Variants in CELF2 observed in about 807,000 individuals in gnomAD.
The protein encoded by CELF2 is CUG triplet repeat RNA-binding protein 2.
A neutral mutation model predicts 62.6 loss-of-function variants in CELF2; 8 were observed. The ratio of observed to expected loss-of-function variants is 0.13; its 90% CI spans 0.07 to 0.23. CELF2 has a LOEUF of 0.23. Ranked by LOEUF, CELF2 falls within the 10% of genes least tolerant of loss-of-function variation. The pLI, the probability that CELF2 is intolerant of heterozygous loss-of-function variation, is 1.00. For synonymous variants in CELF2, 258 were observed against 250.0 expected, an observed-to-expected ratio of 1.03 and a Z score of -0.30; for missense variants, 333 against 671.0, an observed-to-expected ratio of 0.50 and a Z score of 5.56.
At chr10:10,724,661 AAAAAAAAAAG>A in the CELF2 span, among the ~76,000 whole-genome samples, 3 of 149,236 alleles carry the variant, frequency 2.0e-5, no homozygotes, top group South Asian at 2.1e-4. Context: ...GTCTCAAAAA[AAAAAAAAAAG>A]AAAAAAGAAA....
chr10:10,602,708 A>G, the CELF2 span, among the ~76,000 whole-genome samples: 4 of 152,048 alleles, frequency 2.6e-5, no homozygotes, highest in South Asian at 2.1e-4. Flanking sequence ...TTTTTTATCT[A>G]CTTTTTAATT....
At chr10:10,866,232 C>A (rs1276587125) in intron 1 of CELF2, among the ~76,000 whole-genome samples, 1 of 152,156 alleles carries the variant, frequency 6.6e-6, no homozygotes, top group African/African-American at 2.4e-5. Context: ...ACACTGCTGA[C>A]TTCAGCTTGT....
At chr10:11,118,353 TG>T (rs531086533) in intron 1 of CELF2, among the ~76,000 whole-genome samples, 1 of 152,078 alleles carries the variant, frequency 6.6e-6, no homozygotes, top group South Asian at 2.1e-4. Flanking sequence ...CATTCATCTA[TG>T]GGGAGTCTTT....
the CELF2 span, among the ~76,000 whole-genome samples, chr10:10,715,502 A>G: frequency 2.0e-5 from 3 of 152,166 alleles, no homozygotes; most frequent in Non-Finnish European, 4.4e-5. Flanking sequence ...ACTGTTTACT[A>G]CCTTTATAAT....
At chr10:10,639,274 T>C in the CELF2 span, among the ~76,000 whole-genome samples, 4 of 152,218 alleles carry the variant, frequency 2.6e-5, no homozygotes, top group African/African-American at 9.6e-5. Flanking sequence ...TGGCTTATGG[T>C]GCTATCAATT....
the CELF2 span, among the ~76,000 whole-genome samples, chr10:10,572,795 A>G: frequency 1.3e-5 from 2 of 152,102 alleles, no homozygotes; most frequent in African/African-American, 4.8e-5. Flanking sequence ...TGTCTTTTCT[A>G]TTGTGAATAG....
chr10:11,252,894 C>T lies in CELF2; in HGVS notation c.403+3693C>T, dbSNP rs543872111. Among the ~76,000 whole-genome samples the T allele has an allele frequency of 2.0e-5, 3 of 152,250 alleles. No homozygotes were observed. In the South Asian group the frequency reaches 6.2e-4, roughly 32 times the overall value. On this transcript the variant is annotated intron_variant, in intron 4 of 12. Coordinates refer to ENST00000633077, the MANE Select transcript of CELF2 (RefSeq NM_001326342.2). ...TTGTTATTTTTCCATTGCAGAAAGA[C>T]AAATGGCGGGACAGGCAGGGCTTTT...
chr10:10,831,368 G>A (rs755849691), intron 1 of CELF2, among the ~76,000 whole-genome samples: 15 of 152,200 alleles, frequency 9.9e-5, no homozygotes, highest in African/African-American at 3.1e-4. Context: ...CCGAAGCCAC[G>A]CTGCCCTTCC....
At chr10:10,694,313 T>C in the CELF2 span, among the ~76,000 whole-genome samples, 18 of 151,558 alleles carry the variant, frequency 1.2e-4, no homozygotes, top group East Asian at 2.9e-3. Flanking sequence ...TCCATGTAGT[T>C]GAGCGGTTTT....
At chr10:11,287,280 T>C (rs1478969235) in intron 8 of CELF2, among the ~76,000 whole-genome samples, 1 of 152,082 alleles carries the variant, frequency 6.6e-6, no homozygotes, top group Non-Finnish European at 1.5e-5. Flanking sequence ...GAGAGAACCA[T>C]TGTTTCATGC....
rs552081166 is a variant in CELF2 at position 10,863,973 on chromosome 10, C to T, written c.54-55991C>T. On this transcript the variant is annotated intron_variant, in intron 1 of 13. Coordinates refer to the CELF2 transcript ENST00000636488. Reference sequence around the variant, plus strand: ...GTCCCTTACGCTTCTTTGATAGAACCCCAAACGTCTTCTAGTTTGGAGCTT... The same window carrying T: ...GTCCCTTACGCTTCTTTGATAGAACTCCAAACGTCTTCTAGTTTGGAGCTT... 5.3e-5 allele frequency among the ~76,000 whole-genome samples: 8 copies of T among 152,250 alleles called. No homozygotes were observed. The South Asian group carries it at 1.0e-3, about 20-fold the overall frequency.
chr10:11,158,429 T>C (rs979025118), intron 1 of CELF2, among the ~76,000 whole-genome samples: 1 of 152,094 alleles, frequency 6.6e-6, no homozygotes, highest in African/African-American at 2.4e-5. Context: ...TAAAAGTTCA[T>C]CTAGAACACC....
chr10:10,647,288 G>A, the CELF2 span, among the ~76,000 whole-genome samples: 2 of 152,150 alleles, frequency 1.3e-5, no homozygotes, highest in East Asian at 3.9e-4. Flanking sequence ...AAAACTTTCT[G>A]CTCCTTGCGA....
intron 1 of CELF2, among the ~76,000 whole-genome samples, chr10:10,880,134 C>T (rs1015094507): frequency 2.0e-5 from 3 of 152,120 alleles, no homozygotes; most frequent in African/African-American, 7.2e-5. Context: ...AATACAAGAA[C>T]ATCGCCATGA....
At chr10:10,681,664 G>A in the CELF2 span, among the ~76,000 whole-genome samples, 1 of 152,090 alleles carries the variant, frequency 6.6e-6, no homozygotes, top group Non-Finnish European at 1.5e-5. Context: ...TAGCTCACAA[G>A]TCAGAGGCTA....
intron 1 of CELF2, among the ~76,000 whole-genome samples, chr10:11,148,363 C>G (rs1384013855): frequency 6.6e-6 from 1 of 152,220 alleles, no homozygotes; most frequent in Non-Finnish European, 1.5e-5. Flanking sequence ...ATTGCTTTTG[C>G]TGACTGGTCT....
At chr10:10,499,326 G>A in the CELF2 span, among the ~76,000 whole-genome samples, 4 of 151,920 alleles carry the variant, frequency 2.6e-5, no homozygotes, top group East Asian at 3.9e-4. Context: ...TCAGCCTCCC[G>A]AAGTGCTGGG....
the CELF2 span, among the ~76,000 whole-genome samples, chr10:10,742,504 T>C: frequency 6.6e-6 from 1 of 150,604 alleles, no homozygotes; most frequent in African/African-American, 2.4e-5. Context: ...TGGTGCACGC[T>C]GGTGGTCCCA....
the CELF2 span, among the ~76,000 whole-genome samples, chr10:10,686,148 T>C: frequency 6.6e-6 from 1 of 152,166 alleles, no homozygotes; most frequent in Admixed American, 6.5e-5. Flanking sequence ...AAATAGATCC[T>C]TTCAATTGGT....
Sources: gnomAD v4.1 joint callset for allele counts (sites outside exome capture counted in the v4.1 genomes callset) on GRCh38, gnomAD v4.1.1 for gene constraint, MANE v1.5 for transcripts, NCBI Gene and HGNC (gene_info 2026-07-23, HGNC 2026-07-21) for gene names.